Variants in LYPLA1 observed in about 807,000 individuals in gnomAD.
LYPLA1 encodes lysophospholipase 1, also known as acyl-protein thioesterase 1.
A neutral mutation model predicts 34.0 loss-of-function variants in LYPLA1; 17 were observed. The observed-to-expected ratio is 0.50, with a 90% confidence interval of 0.34 to 0.75. The LOEUF (loss-of-function observed/expected upper bound fraction) is 0.75, where lower values mean the gene tolerates loss of function less well. LYPLA1 is among the 30% of genes least tolerant of loss of function. LYPLA1 has a pLI of 0.01. For missense variants in LYPLA1, 203 were observed against 288.8 expected (o/e 0.70, Z 2.15); for synonymous variants, 98 against 100.8 (o/e 0.97, Z 0.17).
At chr8:54,049,588 A>G (rs1432859072) in intron 8 of LYPLA1, among the ~76,000 whole-genome samples, 2 of 152,096 alleles carry the variant, frequency 1.3e-5, no homozygotes, top group East Asian at 3.9e-4. Context: ...TTGATTGAAA[A>G]TGGTTTTCTC....
chr8:54,043,884 A>T (rs1012762245), downstream of LYPLA1, among the ~76,000 whole-genome samples: 1 of 150,786 alleles, frequency 6.6e-6, no homozygotes, highest in African/African-American at 2.4e-5. Flanking sequence ...TTATACTGTT[A>T]CTCTTTTTCA....
rs770312743 is a variant in LYPLA1 at position 54,051,061 on chromosome 8, T to C, written c.590A>G (p.Asn197Ser). 5.0e-6 allele frequency: 8 copies of C among 1,613,786 alleles called. No individual in the cohort carries two copies. The highest frequency in any genetic ancestry group is 4.5e-5 in the East Asian group (2 of 44,894). ...ACCTTCATAGGTTTTAAAGGTCACATTGGCTGGATTCACCAATGTTTTTAG... is the reference window on the plus strand; with the variant it reads ...ACCTTCATAGGTTTTAAAGGTCACACTGGCTGGATTCACCAATGTTTTTAG... The part of the protein sequence containing the change: ...EKLKTLVNPA[N>S]VTFKTYEGMM... Residue 197 changes from asparagine (N) to serine (S), a missense_variant, in exon 8 of 9, where the codon AAT (asparagine) becomes AGT (serine). Transcript: ENST00000316963.
Position 54,101,876 on chromosome 8 carries a change from G to A in LYPLA1, c.-53C>T, listed in dbSNP as rs1412645775. The A allele has an allele frequency of 1.1e-5, 12 of 1,123,444 alleles. No homozygotes were observed. The highest frequency in any genetic ancestry group is 6.5e-5 in the African/African-American group (4 of 61,076). 69.6% of individuals were successfully genotyped at this position (1,123,444 alleles called of 1,614,324 possible). On this transcript the variant is annotated 5_prime_UTR_variant, in exon 1 of 9. Transcript: ENST00000316963. ...GAAGGAAGAGCGGGCGCCCGGCCGC[G>A]GCCCAAGGGCGTGCGAGCGGCGAGT...
chr8:54,084,137 A>ATATATATATATATATAT (rs1563642470), intron 2 of LYPLA1, among the ~76,000 whole-genome samples: 2 of 120,148 alleles, frequency 1.7e-5, no homozygotes, highest in African/African-American at 9.4e-5. Flanking sequence ...AAAAAAAATA[A>ATATATATATATATATAT]ATAAATATAT....
At chr8:54,062,437 A>T (rs1459722272) in intron 4 of LYPLA1, 113 bp from the exon 5 acceptor site, 1 of 370,636 alleles carries the variant, frequency 2.7e-6, no homozygotes, top group Non-Finnish European at 4.6e-6. Context: ...AATATGTTTT[A>T]TTTTATTTAA....
At chr8:54,093,650 G>T (rs1809474142) in intron 2 of LYPLA1, among the ~76,000 whole-genome samples, 1 of 152,120 alleles carries the variant, frequency 6.6e-6, no homozygotes, top group African/African-American at 2.4e-5. Flanking sequence ...AATACATGTG[G>T]TGATTGATGC....
At chr8:54,050,897 A>T in intron 8 of LYPLA1, 115 bp downstream of exon 8, 1 of 1,084,996 alleles carries the variant, frequency 9.2e-7, no homozygotes, top group Non-Finnish European at 1.3e-6. Context: ...CTAACTTATG[A>T]CTCAATATGA....
In LYPLA1 at chr8:54,062,329, A is replaced by C. The variant is rs1325722755; in HGVS notation, c.216-5T>G. Reference sequence around the variant, plus strand: ...GAAAGCCCAATAATATCAAACCTGTAAAATAAGGCAAAATCTTTTGATTCT... The same window carrying C: ...GAAAGCCCAATAATATCAAACCTGTCAAATAAGGCAAAATCTTTTGATTCT... On this transcript the variant is annotated splice_polypyrimidine_tract_variant and splice_region_variant and intron_variant, in intron 4 of 8. Transcript: ENST00000316963. 6.4e-7 allele frequency: 1 copy of C among 1,573,606 alleles called. No individual in the cohort carries two copies. The highest frequency in any genetic ancestry group is 8.7e-7 in the Non-Finnish European group (1 of 1,155,054).
rs1414208328 is a variant in LYPLA1, at chr8:54,051,196, A to G, written c.463-8T>C. On this transcript the variant is annotated splice_region_variant and splice_polypyrimidine_tract_variant and intron_variant, in intron 7 of 8. Transcript: ENST00000316963. Reference sequence around the variant, plus strand: ...AGCACCACCGATAGGACCCTGCAAAAAGCAAAAGAAGAAATAGTTTTATTT... The same window carrying G: ...AGCACCACCGATAGGACCCTGCAAAGAGCAAAAGAAGAAATAGTTTTATTT... The G allele has an allele frequency of 1.3e-6, 2 of 1,582,790 alleles. No homozygotes were observed. Among genetic ancestry groups the G allele is most frequent in the African/African-American group, 1.4e-5 (1 of 73,396 alleles).
intron 2 of LYPLA1, among the ~76,000 whole-genome samples, chr8:54,084,667 A>T (rs964501301): frequency 6.6e-6 from 1 of 152,238 alleles, no homozygotes; most frequent in Non-Finnish European, 1.5e-5. Flanking sequence ...CCAAAGAAAA[A>T]AAACAGAGAA....
chr8:54,045,266 T>TA (rs1805449753), downstream of LYPLA1, among the ~76,000 whole-genome samples: 2 of 152,190 alleles, frequency 1.3e-5, no homozygotes, highest in Admixed American at 1.3e-4. Context: ...TGGTACTTGT[T>TA]AAGAGGATTT....
chr8:54,054,964 A>C, intron 6 of LYPLA1, 96 bp downstream of exon 6: 2 of 733,754 alleles, frequency 2.7e-6, no homozygotes, highest in Non-Finnish European at 4.7e-6. Flanking sequence ...AAGATTCTAT[A>C]ACATCAAAAA....
chr8:54,043,567 C>T (rs1403424744), downstream of LYPLA1, among the ~76,000 whole-genome samples: 6 of 152,034 alleles, frequency 3.9e-5, no homozygotes, highest in Non-Finnish European at 7.4e-5. Flanking sequence ...AACCACCGCA[C>T]CTGACCCTAT....
intron 1 of LYPLA1, chr8:54,101,301 T>A: frequency 1.9e-6 from 2 of 1,066,348 alleles, no homozygotes; most frequent in Non-Finnish European, 1.1e-6. Flanking sequence ...GAGGCAAAAA[T>A]AAGTTTGACT....
intron 2 of LYPLA1, among the ~76,000 whole-genome samples, chr8:54,080,142 T>C (rs1227995101): frequency 6.6e-6 from 1 of 152,086 alleles, no homozygotes; most frequent in Non-Finnish European, 1.5e-5. Flanking sequence ...TCCCACCACT[T>C]TGGGAGGCTG....
chr8:54,051,785 GCTTT>G (rs1226509383), intron 7 of LYPLA1, among the ~76,000 whole-genome samples: 1 of 151,052 alleles, frequency 6.6e-6, no homozygotes, highest in African/African-American at 2.4e-5. Context: ...TATATTTTCA[GCTTT>G]TTTTTGTTTG....
In LYPLA1 at chr8:54,095,479, A is replaced by G. The variant is rs537961343; in HGVS notation, c.101+5429T>C. Among the ~76,000 whole-genome samples, 115 of 152,218 alleles carry G rather than the reference A, an allele frequency of 7.6e-4. 1 individual carries two copies. The highest frequency in any genetic ancestry group is 1.4e-3 in the Non-Finnish European group (98 of 68,016). Reference sequence around the variant, plus strand: ...TAATATCAAGGTATCTCCCCACAAAATATTTTTTAATATTTTAATTACATA... The same window carrying G: ...TAATATCAAGGTATCTCCCCACAAAGTATTTTTTAATATTTTAATTACATA... On this transcript the variant is annotated intron_variant, in intron 2 of 8. Transcript: ENST00000316963.
chr8:54,060,727 C>T (rs1806553225), intron 5 of LYPLA1, among the ~76,000 whole-genome samples: 1 of 139,828 alleles, frequency 7.2e-6, no homozygotes, highest in Non-Finnish European at 1.5e-5. Flanking sequence ...CAGTCTCCCT[C>T]TGTCACCCAG....
chr8:54,061,270 G>A (rs537713963), intron 5 of LYPLA1, among the ~76,000 whole-genome samples: 4 of 151,858 alleles, frequency 2.6e-5, no homozygotes, highest in Admixed American at 1.3e-4. Flanking sequence ...TAGTAGAAAC[G>A]GGGTTTCACT....
Sources: allele counts gnomAD v4.1 joint callset (sites outside exome capture counted in the v4.1 genomes callset), GRCh38; gene constraint gnomAD v4.1.1; transcripts MANE v1.5; gene names NCBI Gene and HGNC (gene_info 2026-07-23, HGNC 2026-07-21).